Variants in GRIN2B observed in about 807,000 individuals in gnomAD.
GRIN2B encodes glutamate ionotropic receptor NMDA type subunit 2B.
GRIN2B carries 5 observed loss-of-function variants against 114.5 expected under a neutral mutation model. That is an observed-to-expected ratio of 0.04 (90% confidence interval 0.02 to 0.09). The LOEUF (loss-of-function observed/expected upper bound fraction) is 0.09. Among genes scored for constraint, GRIN2B ranks in the 10% least tolerant of loss-of-function variants. GRIN2B has a pLI of 1.00. For synonymous variants in GRIN2B, 787 were observed against 745.1 expected (o/e 1.06, Z -0.92); for missense variants, 1,108 against 1,943.5 (o/e 0.57, Z 8.08).
At chr12:13,842,047 A>G (rs1262713329) in intron 3 of GRIN2B, among the ~76,000 whole-genome samples, 3 of 152,196 alleles carry the variant, frequency 2.0e-5, no homozygotes, top group Non-Finnish European at 4.4e-5. Flanking sequence ...TGTGCCTGGA[A>G]GGAGCAAAGT....
chr12:13,845,945 T>C (rs1165160887), intron 3 of GRIN2B, among the ~76,000 whole-genome samples: 1 of 113,698 alleles, frequency 8.8e-6, no homozygotes, highest in Non-Finnish European at 2.0e-5. Context: ...ATTTCCTTTG[T>C]TTACTTTAAT....
chr12:13,911,961 A>C (rs1489811647), intron 2 of GRIN2B, among the ~76,000 whole-genome samples: 1 of 152,176 alleles, frequency 6.6e-6, no homozygotes, highest in Non-Finnish European at 1.5e-5. Context: ...GGAGAGACAG[A>C]GATGAAAGCA....
At chr12:13,663,588 A>T (rs1217390524) in intron 5 of GRIN2B, among the ~76,000 whole-genome samples, 1 of 152,276 alleles carries the variant, frequency 6.6e-6, no homozygotes, top group Non-Finnish European at 1.5e-5. Flanking sequence ...TATGCTGTAG[A>T]CTTTGTCAGT....
At chr12:13,652,864 A>C (rs2136518647) in intron 5 of GRIN2B, among the ~76,000 whole-genome samples, 1 of 152,322 alleles carries the variant, frequency 6.6e-6, no homozygotes. Context: ...CTTTCCAACT[A>C]TCCTTCCCAG....
chr12:13,734,530 C>T (rs1449010002), intron 4 of GRIN2B, among the ~76,000 whole-genome samples: 1 of 152,174 alleles, frequency 6.6e-6, no homozygotes, highest in Non-Finnish European at 1.5e-5. Context: ...ATGAAGATGG[C>T]ATATTTAATC....
chr12:13,578,060 T>C (rs944725927), intron 10 of GRIN2B, among the ~76,000 whole-genome samples: 1 of 152,246 alleles, frequency 6.6e-6, no homozygotes, highest in Non-Finnish European at 1.5e-5. Flanking sequence ...AGGCAAACAG[T>C]AAGCCTGTTT....
At chr12:13,565,072 G>T (rs1448780440) in intron 13 of GRIN2B, among the ~76,000 whole-genome samples, 1 of 152,356 alleles carries the variant, frequency 6.6e-6, no homozygotes, top group African/African-American at 2.4e-5. Context: ...CACTGAGGTT[G>T]CTCTGCTGTG....
rs200137286 is a variant in GRIN2B at position 13,571,793 on chromosome 12, G to A, written c.2171+11C>T. The stretch of plus-strand genomic sequence containing the variant: ...CAGATCAAGGACTCTGAGCTTGGAA[G>A]CAGTTCTTACCCTGTTTTCAGGGAG... On this transcript the variant is annotated intron_variant, in intron 11 of 13. Coordinates refer to ENST00000609686, the MANE Select transcript of GRIN2B (RefSeq NM_000834.5). The A allele has an allele frequency of 2.1e-5, 34 of 1,613,820 alleles. No homozygotes were observed. The East Asian group carries it at 7.6e-4, about 36-fold the overall frequency.
At chr12:13,751,452 A>C (rs1863482611) in intron 4 of GRIN2B, among the ~76,000 whole-genome samples, 1 of 152,222 alleles carries the variant, frequency 6.6e-6, no homozygotes, top group Admixed American at 6.5e-5. Context: ...GGGATGTTGT[A>C]GGAGAGATGA....
chr12:13,571,766 A>G (rs1166505205), intron 11 of GRIN2B, 38 bp downstream of exon 11: 1 of 1,608,870 alleles, frequency 6.2e-7, no homozygotes, highest in East Asian at 2.2e-5. Flanking sequence ...AAATGTGAGA[A>G]ACAGATCAAG....
At chr12:13,965,580 C>CACACAT (rs60900037) in intron 2 of GRIN2B, among the ~76,000 whole-genome samples, 1 of 151,300 alleles carries the variant, frequency 6.6e-6, no homozygotes, top group East Asian at 1.9e-4. Context: ...CACACACACA[C>CACACAT]GTGTGTGTGA....
intron 4 of GRIN2B, among the ~76,000 whole-genome samples, chr12:13,739,636 G>A (rs375900900): frequency 3.3e-5 from 5 of 151,758 alleles, no homozygotes; most frequent in African/African-American, 1.2e-4. Flanking sequence ...AATACTTGTG[G>A]CTGATGAGAA....
chr12:13,635,107 C>A (rs1477400163), intron 5 of GRIN2B, among the ~76,000 whole-genome samples: 1 of 152,168 alleles, frequency 6.6e-6, no homozygotes, highest in Non-Finnish European at 1.5e-5. Context: ...CATTCAGGTG[C>A]CTGGGCCAAC....
chr12:13,841,851 A>C (rs2136715598), intron 3 of GRIN2B, among the ~76,000 whole-genome samples: 1 of 152,270 alleles, frequency 6.6e-6, no homozygotes, highest in South Asian at 2.1e-4. Flanking sequence ...TTTTGTTTGT[A>C]GTTTCCATAT....
At chr12:13,965,568 C>CACACAT (rs1591644898) in intron 2 of GRIN2B, among the ~76,000 whole-genome samples, 3 of 151,516 alleles carry the variant, frequency 2.0e-5, no homozygotes, top group East Asian at 1.9e-4. Flanking sequence ...CACACACACA[C>CACACAT]ACACACACAC....
At position 13,551,740 on chromosome 12, in the gene GRIN2B, A is replaced by C. The variant is rs1381475494; in HGVS notation, c.*11043T>G. On this transcript the variant is annotated 3_prime_UTR_variant, in exon 14 of 14. Transcript: ENST00000609686. ...CTGTGTAGTTGTGCTGTTCAGGTGA[A>C]TATCTGAGAGCAAAGTATAAACTAC... The C allele has an allele frequency of 6.6e-6, 1 of 152,154 alleles. No individual in the cohort carries two copies. The highest frequency in any genetic ancestry group is 1.5e-5 in the Non-Finnish European group (1 of 68,016). 9.4% of individuals were successfully genotyped at this position (152,154 alleles called of 1,614,324 possible). A position where few individuals can be genotyped will look rare whatever the true frequency, so the allele number is the denominator to read the frequency against.
intron 4 of GRIN2B, among the ~76,000 whole-genome samples, chr12:13,718,945 C>T (rs1272135550): frequency 6.6e-6 from 1 of 151,976 alleles, no homozygotes; most frequent in Non-Finnish European, 1.5e-5. Flanking sequence ...CAAAATATAC[C>T]AAAGCACTGA....
chr12:13,873,490 A>G (rs947186637), intron 2 of GRIN2B, among the ~76,000 whole-genome samples: 1 of 152,244 alleles, frequency 6.6e-6, no homozygotes. Flanking sequence ...GAAATAACAC[A>G]TAAAAGGCAC....
At chr12:13,613,232 T>C (rs1202405029) in intron 8 of GRIN2B, among the ~76,000 whole-genome samples, 2 of 152,204 alleles carry the variant, frequency 1.3e-5, no homozygotes, top group African/African-American at 2.4e-5. Flanking sequence ...TTGTCTAAGA[T>C]TGGGGAATAA....
Sources: allele counts gnomAD v4.1 joint callset (sites outside exome capture counted in the v4.1 genomes callset), GRCh38; gene constraint gnomAD v4.1.1; transcripts MANE v1.5; gene names NCBI Gene and HGNC (gene_info 2026-07-23, HGNC 2026-07-21).